Variants in SKAP1 observed in about 807,000 individuals in gnomAD.
The protein encoded by SKAP1 is src kinase associated phosphoprotein 1, also known as src kinase-associated phosphoprotein 1.
In SKAP1, 44 loss-of-function variants were observed where a neutral mutation model predicts 58.5. The observed-to-expected ratio is 0.75, with a 90% CI of 0.59 to 0.97. The LOEUF (loss-of-function observed/expected upper bound fraction) is 0.97, where lower values mean the gene tolerates loss of function less well. Ranked by LOEUF, SKAP1 falls within the 50% of genes least tolerant of loss-of-function variation. SKAP1 has a pLI of 0.00. For missense variants in SKAP1, 390 were observed against 435.2 expected (o/e 0.90, Z 0.92); for synonymous variants, 127 against 149.7 (o/e 0.85, Z 1.11).
intron 4 of SKAP1, chr17:48,231,804 A>G (rs965270046): frequency 6.6e-6 from 1 of 152,048 alleles, no homozygotes; most frequent in African/African-American, 2.4e-5. Flanking sequence ...GGACTATATA[A>G]CCTAGTGTTA....
intron 2 of SKAP1, among the ~76,000 whole-genome samples, chr17:48,378,859 G>T (rs976666014): frequency 7.9e-5 from 12 of 152,208 alleles, no homozygotes; most frequent in African/African-American, 2.7e-4. Flanking sequence ...AGGAAGGGCT[G>T]TCTGAGTTCA....
At chr17:48,367,201 A>G (rs1191293022) in intron 2 of SKAP1, among the ~76,000 whole-genome samples, 1 of 152,128 alleles carries the variant, frequency 6.6e-6, no homozygotes. Flanking sequence ...TAGTAGTTAT[A>G]CCTTAAGAAC....
intron 4 of SKAP1, among the ~76,000 whole-genome samples, chr17:48,322,791 A>G (rs950236682): frequency 2.0e-5 from 3 of 152,176 alleles, no homozygotes; most frequent in Non-Finnish European, 4.4e-5. Flanking sequence ...TAAGGGTTCT[A>G]TAAGTAAGAA....
intron 3 of SKAP1, among the ~76,000 whole-genome samples, chr17:48,362,294 T>C (rs2066947251): frequency 6.6e-6 from 1 of 152,216 alleles, no homozygotes; most frequent in Non-Finnish European, 1.5e-5. Flanking sequence ...ATATAGTCTC[T>C]TGTGTTAAGC....
intron 4 of SKAP1, 29 bp from the exon 5 acceptor site, chr17:48,189,529 T>C: frequency 1.3e-6 from 2 of 1,577,248 alleles, no homozygotes; most frequent in South Asian, 1.1e-5. Context: ...AAATGCTTTA[T>C]TGAAACCTGG....
At chr17:48,414,908 C>A (rs889181747) in intron 1 of SKAP1, among the ~76,000 whole-genome samples, 3 of 152,160 alleles carry the variant, frequency 2.0e-5, no homozygotes, top group Admixed American at 6.5e-5. Context: ...AGCTGCTCTT[C>A]TGTTTATTTA....
chr17:48,342,852 G>C (rs1246841093), intron 4 of SKAP1, among the ~76,000 whole-genome samples: 1 of 152,098 alleles, frequency 6.6e-6, no homozygotes, highest in Non-Finnish European at 1.5e-5. Context: ...AGGCGCGGTG[G>C]CCGGCGCCTA....
chr17:48,443,856 T>A, the SKAP1 span, among the ~76,000 whole-genome samples: 1 of 152,278 alleles, frequency 6.6e-6, no homozygotes, highest in Admixed American at 6.5e-5. Context: ...AGAACTCAAG[T>A]ATACCATTCA....
At chr17:48,310,013 T>C (rs2066202356) in intron 4 of SKAP1, among the ~76,000 whole-genome samples, 2 of 152,228 alleles carry the variant, frequency 1.3e-5, no homozygotes, top group Admixed American at 6.5e-5. Flanking sequence ...CTTGCACAAA[T>C]ACTACTTCGA....
chr17:48,327,193 A>G (rs534167765), intron 4 of SKAP1, among the ~76,000 whole-genome samples: 35 of 152,112 alleles, frequency 2.3e-4, no homozygotes, highest in Non-Finnish European at 1.8e-4. Flanking sequence ...GCCCAGCATA[A>G]TAAGAAAATT....
chr17:48,196,922 G>A (rs1187763969), intron 4 of SKAP1: 1 of 152,290 alleles, frequency 6.6e-6, no homozygotes, highest in Non-Finnish European at 1.5e-5. Flanking sequence ...AAGGACACAT[G>A]AGTTAAGTAC....
chr17:48,354,747 GCTTT>G (rs1318737077), intron 3 of SKAP1, among the ~76,000 whole-genome samples: 2 of 152,106 alleles, frequency 1.3e-5, no homozygotes, highest in African/African-American at 4.8e-5. Context: ...AAAAATAAAT[GCTTT>G]CTAATAGAAT....
intron 4 of SKAP1, among the ~76,000 whole-genome samples, chr17:48,223,810 C>T (rs1241621381): frequency 1.3e-5 from 2 of 151,846 alleles, no homozygotes; most frequent in Non-Finnish European, 2.9e-5. Flanking sequence ...TACAAGGTAC[C>T]AAGGAACAGC....
chr17:48,372,802 G>T (rs929558518), intron 2 of SKAP1, among the ~76,000 whole-genome samples: 2 of 152,058 alleles, frequency 1.3e-5, no homozygotes, highest in African/African-American at 4.8e-5. Context: ...CACCACACCT[G>T]GCTAATTTCC....
intron 12 of SKAP1, among the ~76,000 whole-genome samples, chr17:48,135,499 A>G (rs2063686754): frequency 6.6e-6 from 1 of 152,030 alleles, no homozygotes; most frequent in Non-Finnish European, 1.5e-5. Context: ...TTTTTTTGAG[A>G]CAGGATCTTG....
At chr17:48,351,465 T>C (rs1331328606) in intron 3 of SKAP1, among the ~76,000 whole-genome samples, 1 of 152,128 alleles carries the variant, frequency 6.6e-6, no homozygotes, top group Non-Finnish European at 1.5e-5. Context: ...TATCTATAAT[T>C]CAATGTATAA....
At chr17:48,184,650 A>G in intron 7 of SKAP1, 73 bp downstream of exon 7, 3 of 1,584,814 alleles carry the variant, frequency 1.9e-6, no homozygotes, top group Non-Finnish European at 2.6e-6. Flanking sequence ...CAGCATAGCA[A>G]CCATGGCTCA....
At chr17:48,438,021 C>T in the SKAP1 span, among the ~76,000 whole-genome samples, 1 of 152,136 alleles carries the variant, frequency 6.6e-6, no homozygotes, top group African/African-American at 2.4e-5. Context: ...TCCCCACCAT[C>T]CCATGCCACC....
intron 10 of SKAP1, among the ~76,000 whole-genome samples, chr17:48,169,559 T>G (rs1184303737): frequency 1.3e-5 from 2 of 152,244 alleles, no homozygotes; most frequent in Non-Finnish European, 2.9e-5. Flanking sequence ...TCCACTGCTT[T>G]CTTTCTCTCC....
Sources: allele counts gnomAD v4.1 joint callset (sites outside exome capture counted in the v4.1 genomes callset), GRCh38; gene constraint gnomAD v4.1.1; transcripts MANE v1.5; gene names NCBI Gene and HGNC (gene_info 2026-07-23, HGNC 2026-07-21).